Variants in DACH1 observed in about 807,000 individuals in gnomAD.
DACH1 encodes the protein dachshund homolog 1.
DACH1 carries 12 observed loss-of-function variants against 54.2 expected under a neutral mutation model. The observed-to-expected ratio is 0.22, with a 90% CI of 0.14 to 0.36. The LOEUF (loss-of-function observed/expected upper bound fraction) is 0.36, where lower values mean the gene tolerates loss of function less well. DACH1 is among the 10% of genes least tolerant of loss of function. The probability of loss-of-function intolerance (pLI) is 1.00; values close to 1 mark genes in which losing one functional copy is unlikely to be tolerated. For synonymous variants in DACH1, 386 were observed against 366.2 expected, an observed-to-expected ratio of 1.05 and a Z score of -0.62; for missense variants, 805 against 929.8, an observed-to-expected ratio of 0.87 and a Z score of 1.75.
chr13:71,513,296 C>T (rs1016237729), intron 6 of DACH1, among the ~76,000 whole-genome samples: 2 of 151,848 alleles, frequency 1.3e-5, no homozygotes, highest in Non-Finnish European at 2.9e-5. Context: ...TTATCAAGCC[C>T]AAGCTGAATT....
chr13:71,819,508 C>T (rs1358550862), intron 1 of DACH1, among the ~76,000 whole-genome samples: 8 of 152,198 alleles, frequency 5.3e-5, no homozygotes, highest in Non-Finnish European at 1.0e-4. Context: ...CAGTCTGTAG[C>T]TGGAAGTCTA....
intron 1 of DACH1, among the ~76,000 whole-genome samples, chr13:71,792,087 T>C (rs1886856678): frequency 6.6e-6 from 1 of 152,148 alleles, no homozygotes; most frequent in Non-Finnish European, 1.5e-5. Flanking sequence ...CTTCTTATCC[T>C]GTAGATCTTG....
chr13:71,829,224 A>G (rs1307244914), intron 1 of DACH1, among the ~76,000 whole-genome samples: 1 of 151,980 alleles, frequency 6.6e-6, no homozygotes, highest in Non-Finnish European at 1.5e-5. Context: ...ATAAATATGT[A>G]TTGAAGTCAT....
At chr13:71,553,620 T>C (rs1028405341) in intron 6 of DACH1, among the ~76,000 whole-genome samples, 1 of 146,478 alleles carries the variant, frequency 6.8e-6, no homozygotes. Context: ...TTGTTATATA[T>C]ATAACATTTG....
At chr13:71,823,775 A>C (rs1045333109) in intron 1 of DACH1, among the ~76,000 whole-genome samples, 1 of 152,088 alleles carries the variant, frequency 6.6e-6, no homozygotes, top group Admixed American at 6.5e-5. Flanking sequence ...GCACTGTTAA[A>C]TGATAAATGA....
intron 3 of DACH1, among the ~76,000 whole-genome samples, chr13:71,624,768 C>T (rs866602185): frequency 1.2e-4 from 19 of 152,010 alleles, no homozygotes; most frequent in Middle Eastern, 3.4e-3. Context: ...GTACTGCCAG[C>T]TTAACCAAAA....
intron 10 of DACH1, among the ~76,000 whole-genome samples, chr13:71,460,915 G>T (rs1297922371): frequency 1.3e-5 from 2 of 151,976 alleles, no homozygotes; most frequent in Non-Finnish European, 2.9e-5. Context: ...AGGATAAACA[G>T]TAAACCTGTG....
intron 7 of DACH1, among the ~76,000 whole-genome samples, chr13:71,486,510 T>C (rs1878514814): frequency 6.6e-6 from 1 of 152,132 alleles, no homozygotes; most frequent in Non-Finnish European, 1.5e-5. Context: ...GTGACAATAG[T>C]AAAAGAGTTA....
In DACH1 at chr13:71,454,811, G is replaced by A. The variant is rs544802129; in HGVS notation, c.2084-14119C>T. Among the ~76,000 whole-genome samples, 20 of 152,312 alleles carry A rather than the reference G, an allele frequency of 1.3e-4. No homozygotes were observed. The East Asian group carries it at 3.7e-3, about 28-fold the overall frequency. On this transcript the variant is annotated intron_variant, in intron 10 of 10. Coordinates refer to ENST00000613252, the MANE Select transcript of DACH1 (RefSeq NM_080759.6). ...TACCCAAAGCAGAAGGCCCAGCTAA[G>A]CTAGTCCCCAATTCCTCACACACAG...
intron 6 of DACH1, among the ~76,000 whole-genome samples, chr13:71,553,783 C>A (rs1050421762): frequency 6.6e-6 from 1 of 151,058 alleles, no homozygotes; most frequent in East Asian, 1.9e-4. Context: ...GGTCCTTCAA[C>A]TAATGGTGAC....
intron 10 of DACH1, among the ~76,000 whole-genome samples, chr13:71,445,518 T>A (rs968131023): frequency 2.6e-5 from 4 of 152,180 alleles, no homozygotes; most frequent in Admixed American, 2.0e-4. Context: ...ACCCCACCTG[T>A]CACATTCAGG....
intron 10 of DACH1, among the ~76,000 whole-genome samples, chr13:71,449,038 T>A (rs980698376): frequency 6.6e-6 from 1 of 152,014 alleles, no homozygotes; most frequent in Non-Finnish European, 1.5e-5. Flanking sequence ...TACACCACAA[T>A]AAGAAATAGG....
At chr13:71,507,237 C>T (rs2210300) in intron 6 of DACH1, among the ~76,000 whole-genome samples, 141,929 of 152,184 alleles carry the variant, frequency 0.93, 66,998 homozygotes, top group East Asian at 1. Flanking sequence ...TTCCTTTAAG[C>T]TGGGAATCCT....
chr13:71,805,783 G>T (rs1182375360), intron 1 of DACH1, among the ~76,000 whole-genome samples: 1 of 152,104 alleles, frequency 6.6e-6, no homozygotes, highest in Non-Finnish European at 1.5e-5. Flanking sequence ...CTTGGAGAAA[G>T]AAATGCGATA....
At chr13:71,456,382 G>A (rs1167529101) in intron 10 of DACH1, among the ~76,000 whole-genome samples, 3 of 151,950 alleles carry the variant, frequency 2.0e-5, no homozygotes, top group African/African-American at 4.8e-5. Context: ...TGTGGCTGTG[G>A]TTACTGTCAG....
chr13:71,838,452 G>A (rs1888881873), intron 1 of DACH1, among the ~76,000 whole-genome samples: 2 of 152,024 alleles, frequency 1.3e-5, no homozygotes, highest in Non-Finnish European at 2.9e-5. Flanking sequence ...CACCAATTTG[G>A]TGAAGAAAAG....
chr13:71,699,789 C>G (rs112410130), intron 1 of DACH1, among the ~76,000 whole-genome samples: 1 of 152,098 alleles, frequency 6.6e-6, no homozygotes, highest in East Asian at 1.9e-4. Context: ...TTTATAGGAA[C>G]GCATAACTAA....
chr13:71,631,627 C>T (rs76507453), intron 2 of DACH1, among the ~76,000 whole-genome samples: 4,845 of 152,278 alleles, frequency 0.032, 123 homozygotes, highest in Non-Finnish European at 0.044. Flanking sequence ...TAATAACCCT[C>T]TGTGATTGAT....
chr13:71,571,977 T>G (rs1885241407), intron 4 of DACH1, among the ~76,000 whole-genome samples: 1 of 152,094 alleles, frequency 6.6e-6, no homozygotes, highest in African/African-American at 2.4e-5. Flanking sequence ...CCTTGTGATC[T>G]GAACAGGGCC....
Sources: gnomAD v4.1 joint callset for allele counts (sites outside exome capture counted in the v4.1 genomes callset) on GRCh38, gnomAD v4.1.1 for gene constraint, MANE v1.5 for transcripts, NCBI Gene and HGNC (gene_info 2026-07-23, HGNC 2026-07-21) for gene names.